Variants in LINGO2 observed in about 807,000 individuals in gnomAD.
LINGO2 encodes leucine rich repeat and Ig domain containing 2.
Under a neutral mutation model 30.6 loss-of-function variants are expected in LINGO2, and 14 were observed. The ratio of observed to expected loss-of-function variants is 0.46; its 90% CI spans 0.30 to 0.72. LINGO2 has a LOEUF of 0.72. Among genes scored for constraint, LINGO2 ranks in the 30% least tolerant of loss-of-function variants. The pLI, the probability that LINGO2 is intolerant of heterozygous loss-of-function variation, is 0.07. For missense variants in LINGO2, 729 were observed against 751.7 expected (o/e 0.97, Z 0.35); for synonymous variants, 317 against 288.5 (o/e 1.10, Z -1.00).
At chr9:29,157,814 C>T in the LINGO2 span, among the ~76,000 whole-genome samples, 4 of 151,936 alleles carry the variant, frequency 2.6e-5, no homozygotes, top group South Asian at 2.1e-4. Context: ...TTTGAATATG[C>T]GGTAATCTTT....
chr9:28,779,345 T>G, the LINGO2 span, among the ~76,000 whole-genome samples: 11 of 152,268 alleles, frequency 7.2e-5, no homozygotes, highest in South Asian at 2.3e-3. Context: ...AAATTCCATC[T>G]CCCACCTGCT....
At chr9:28,893,733 T>C in the LINGO2 span, among the ~76,000 whole-genome samples, 2 of 152,032 alleles carry the variant, frequency 1.3e-5, no homozygotes, top group African/African-American at 2.4e-5. Flanking sequence ...ATTCACACTT[T>C]TTTTTAATGG....
intron 4 of LINGO2, among the ~76,000 whole-genome samples, chr9:28,273,946 A>C (rs1264469786): frequency 6.6e-6 from 1 of 152,142 alleles, no homozygotes; most frequent in Non-Finnish European, 1.5e-5. Flanking sequence ...ACAAAAGAGG[A>C]ACTCCCCTTT....
chr9:28,413,567 GAAGAAAAAAGA>G (rs2134830490), intron 2 of LINGO2, among the ~76,000 whole-genome samples: 1 of 152,116 alleles, frequency 6.6e-6, no homozygotes, highest in Non-Finnish European at 1.5e-5. Context: ...TTCTTCATCT[GAAGAAAAAAGA>G]AATGGAAGAG....
At chr9:28,279,401 G>C (rs1823240664) in intron 4 of LINGO2, among the ~76,000 whole-genome samples, 1 of 152,120 alleles carries the variant, frequency 6.6e-6, no homozygotes, top group Non-Finnish European at 1.5e-5. Context: ...ATCAATTGAT[G>C]TGGCAAAGTT....
At chr9:28,316,917 C>G (rs182698761) in intron 3 of LINGO2, among the ~76,000 whole-genome samples, 2 of 152,244 alleles carry the variant, frequency 1.3e-5, no homozygotes, top group African/African-American at 4.8e-5. Flanking sequence ...CATTTTGTTT[C>G]CATTAACTGC....
At chr9:29,182,074 G>T in the LINGO2 span, among the ~76,000 whole-genome samples, 1 of 152,094 alleles carries the variant, frequency 6.6e-6, no homozygotes, top group South Asian at 2.1e-4. Context: ...ACAGAATATA[G>T]AAAGAAAATA....
chr9:28,953,384 A>G, the LINGO2 span, among the ~76,000 whole-genome samples: 1 of 152,130 alleles, frequency 6.6e-6, no homozygotes, highest in Non-Finnish European at 1.5e-5. Context: ...ATTTTCATTT[A>G]TCATATTAGA....
chr9:28,883,455 A>C, the LINGO2 span, among the ~76,000 whole-genome samples: 5 of 151,408 alleles, frequency 3.3e-5, no homozygotes, highest in African/African-American at 1.2e-4. Flanking sequence ...GTTAATCTTT[A>C]ATTCGTCAGA....
Position 28,354,172 on chromosome 9 carries a change from C to T in LINGO2, c.-246+18664G>A, listed in dbSNP as rs113060999. On this transcript the variant is annotated intron_variant, in intron 3 of 5. Transcript: ENST00000379992. ...TTAATTAAAAAAAAAATGCTGTTCA[C>T]GTCATATGAGTTCTGATTAAAATTG... 3.5e-3 allele frequency among the ~76,000 whole-genome samples: 532 copies of T among 152,026 alleles called. 5 individuals carry two copies. Among genetic ancestry groups the T allele is most frequent in the African/African-American group, 0.012 (510 of 41,472 alleles).
intron 4 of LINGO2, among the ~76,000 whole-genome samples, chr9:28,189,798 G>T (rs570335315): frequency 6.6e-6 from 1 of 152,018 alleles, no homozygotes; most frequent in Non-Finnish European, 1.5e-5. Flanking sequence ...AAAGCTTGAA[G>T]CAGTTGTGAT....
intron 2 of LINGO2, among the ~76,000 whole-genome samples, chr9:28,409,661 G>A (rs929659078): frequency 4.7e-5 from 7 of 148,062 alleles, no homozygotes; most frequent in Admixed American, 2.7e-4. Context: ...GTGATGTTTC[G>A]AAGTCATTGT....
the LINGO2 span, among the ~76,000 whole-genome samples, chr9:28,753,167 C>G: frequency 8.6e-5 from 13 of 151,948 alleles, no homozygotes; most frequent in Non-Finnish European, 1.6e-4. Context: ...CCTCACAGGT[C>G]TACACTTATA....
the LINGO2 span, among the ~76,000 whole-genome samples, chr9:28,859,257 C>A: frequency 6.6e-6 from 1 of 151,972 alleles, no homozygotes; most frequent in Non-Finnish European, 1.5e-5. Flanking sequence ...ATTTGGGGAA[C>A]AGGCTGTAAA....
At chr9:28,226,881 G>T (rs1821187982) in intron 4 of LINGO2, among the ~76,000 whole-genome samples, 1 of 151,992 alleles carries the variant, frequency 6.6e-6, no homozygotes, top group South Asian at 2.1e-4. Context: ...AATTTAAAGT[G>T]CAATTGACCT....
the LINGO2 span, among the ~76,000 whole-genome samples, chr9:28,756,906 C>T: frequency 4.0e-5 from 6 of 151,570 alleles, 1 homozygote; most frequent in African/African-American, 1.5e-4. Flanking sequence ...AGGCAGATCA[C>T]CTAAATGCCT....
chr9:28,146,474 G>C (rs1435511622), intron 4 of LINGO2, among the ~76,000 whole-genome samples: 2 of 152,018 alleles, frequency 1.3e-5, no homozygotes, highest in Non-Finnish European at 2.9e-5. Context: ...TGCAGCTATA[G>C]AGGAAATTAA....
chr9:28,217,296 A>C (rs933780821), intron 4 of LINGO2, among the ~76,000 whole-genome samples: 1 of 151,812 alleles, frequency 6.6e-6, no homozygotes, highest in African/African-American at 2.4e-5. Context: ...TTTATCCTTT[A>C]AGTTAAACAC....
At chr9:28,859,272 C>T in the LINGO2 span, among the ~76,000 whole-genome samples, 3 of 152,100 alleles carry the variant, frequency 2.0e-5, no homozygotes, top group South Asian at 4.1e-4. Flanking sequence ...TGTAAAAGTA[C>T]AGGATCTCAA....
Sources: allele counts gnomAD v4.1 joint callset (sites outside exome capture counted in the v4.1 genomes callset), GRCh38; gene constraint gnomAD v4.1.1; transcripts MANE v1.5; gene names NCBI Gene and HGNC (gene_info 2026-07-23, HGNC 2026-07-21).